The following RAB6B variants were observed in gnomAD, a reference collection of about 807,000 sequenced individuals.
The protein encoded by RAB6B is RAB6B, member RAS oncogene family.
A neutral mutation model predicts 31.2 loss-of-function variants in RAB6B; 7 were observed. That is an observed-to-expected ratio of 0.22 (90% CI 0.13 to 0.42). The LOEUF is 0.42. RAB6B is among the 10% of genes least tolerant of loss of function. The pLI is 1.00. For synonymous variants in RAB6B, 105 were observed against 104.9 expected (o/e 1.00, Z -0.01); for missense variants, 149 against 280.6 (o/e 0.53, Z 3.35).
intron 1 of RAB6B, among the ~76,000 whole-genome samples, chr3:133,879,365 ATAACTG>A (rs773961428): frequency 5.3e-5 from 8 of 152,228 alleles, no homozygotes; most frequent in Non-Finnish European, 1.0e-4. Flanking sequence ...GAACTAGAGT[ATAACTG>A]TACTTGGCAT....
At chr3:133,845,443 C>T (rs1370852343) in intron 2 of RAB6B, among the ~76,000 whole-genome samples, 1 of 152,192 alleles carries the variant, frequency 6.6e-6, no homozygotes, top group East Asian at 1.9e-4. Context: ...AAGCAGAGAG[C>T]AAGTCCTCAC....
chr3:133,847,170 T>C (rs545517141), intron 2 of RAB6B, among the ~76,000 whole-genome samples: 1 of 152,374 alleles, frequency 6.6e-6, no homozygotes, highest in East Asian at 1.9e-4. Context: ...CATTACTTAA[T>C]TTAATCTGGA....
chr3:133,831,300 C>G (rs1476124792), intron 7 of RAB6B, among the ~76,000 whole-genome samples: 1 of 152,180 alleles, frequency 6.6e-6, no homozygotes, highest in Non-Finnish European at 1.5e-5. Flanking sequence ...GAAACCAATT[C>G]TACTGATACT....
intron 2 of RAB6B, among the ~76,000 whole-genome samples, chr3:133,849,415 C>T (rs1935947850): frequency 6.6e-6 from 1 of 152,218 alleles, no homozygotes; most frequent in Admixed American, 6.5e-5. Flanking sequence ...CCTCAGATAA[C>T]TCATTTGTGC....
At position 133,857,785 on chromosome 3, in the gene RAB6B, TC is replaced by T. The variant is rs1936102961; in HGVS notation, c.129+6798del. On this transcript the variant is annotated intron_variant, in intron 2 of 7. Transcript: ENST00000285208. The stretch of plus-strand genomic sequence containing the variant: ...TTTGTATTGATGGCACTGATATTCT[TC>T]CAGCATTTCTAGACAGAAACCTGGG... 2.6e-5 allele frequency among the ~76,000 whole-genome samples: 4 copies of T among 152,214 alleles called. No homozygotes were observed. The South Asian group carries it at 8.3e-4, about 31-fold the overall frequency.
chr3:133,864,732 C>A, intron 1 of RAB6B, 90 bp from the exon 2 acceptor site: 1 of 1,308,120 alleles, frequency 7.6e-7, no homozygotes. Flanking sequence ...GATAACAAAA[C>A]CAAAAAGCAC....
chr3:133,851,444 G>A (rs1935983228), intron 2 of RAB6B, among the ~76,000 whole-genome samples: 1 of 152,202 alleles, frequency 6.6e-6, no homozygotes. Flanking sequence ...CATGTAGCTG[G>A]GGCTTTAGAA....
chr3:133,849,069 G>T (rs560289187), intron 2 of RAB6B, among the ~76,000 whole-genome samples: 1 of 152,186 alleles, frequency 6.6e-6, no homozygotes, highest in African/African-American at 2.4e-5. Context: ...AAGTTGCTTT[G>T]TATGTCTGGG....
At chr3:133,829,344 T>C (rs1935622383) in intron 7 of RAB6B, among the ~76,000 whole-genome samples, 2 of 152,140 alleles carry the variant, frequency 1.3e-5, no homozygotes, top group Admixed American at 1.3e-4. Flanking sequence ...CTGAGGATGG[T>C]TACTGTAAGA....
chr3:133,888,907 C>T (rs1157520849), intron 1 of RAB6B, among the ~76,000 whole-genome samples: 1 of 152,162 alleles, frequency 6.6e-6, no homozygotes, highest in Non-Finnish European at 1.5e-5. Context: ...GGCAGCCTGT[C>T]TTTCCACCCT....
At chr3:133,890,964 G>A (rs756435849) in intron 1 of RAB6B, among the ~76,000 whole-genome samples, 6 of 152,222 alleles carry the variant, frequency 3.9e-5, no homozygotes, top group Non-Finnish European at 7.3e-5. Flanking sequence ...GGCCAGGTGG[G>A]CTGGTAGCCC....
intron 2 of RAB6B, among the ~76,000 whole-genome samples, chr3:133,860,324 C>T (rs1936141849): frequency 6.6e-6 from 1 of 152,078 alleles, no homozygotes; most frequent in Non-Finnish European, 1.5e-5. Flanking sequence ...GAGGTGAGGA[C>T]ACAGAGAGAC....
intron 1 of RAB6B, among the ~76,000 whole-genome samples, chr3:133,893,700 A>C (rs548362859): frequency 1.3e-5 from 2 of 152,316 alleles, no homozygotes; most frequent in South Asian, 4.1e-4. Context: ...TCAGAGACAG[A>C]AAGTGAGTCA....
chr3:133,883,862 CAA>C (rs774915319), intron 1 of RAB6B, among the ~76,000 whole-genome samples: 2 of 152,218 alleles, frequency 1.3e-5, no homozygotes, highest in Non-Finnish European at 2.9e-5. Flanking sequence ...AATCCTGAGC[CAA>C]AATGGTCCTC....
At chr3:133,861,480 T>C (rs1936160696) in intron 2 of RAB6B, among the ~76,000 whole-genome samples, 1 of 152,158 alleles carries the variant, frequency 6.6e-6, no homozygotes, top group South Asian at 2.1e-4. Context: ...GAGAGGTCTG[T>C]AGAACCCAGC....
intron 6 of RAB6B, among the ~76,000 whole-genome samples, chr3:133,836,780 C>T (rs1935742936): frequency 1.3e-5 from 2 of 152,182 alleles, no homozygotes; most frequent in African/African-American, 4.8e-5. Context: ...AGGCTGGGAA[C>T]AGATGGGAGT....
At chr3:133,893,071 G>A (rs1936658056) in intron 1 of RAB6B, among the ~76,000 whole-genome samples, 1 of 152,220 alleles carries the variant, frequency 6.6e-6, no homozygotes, top group Admixed American at 6.5e-5. Context: ...CCATCTCACT[G>A]ATAGCAGTGA....
intron 6 of RAB6B, among the ~76,000 whole-genome samples, chr3:133,836,102 G>T (rs76501142): frequency 4.6e-5 from 7 of 152,082 alleles, no homozygotes; most frequent in Admixed American, 3.9e-4. Context: ...TCACCCCAGA[G>T]CCCAGCCCCA....
At chr3:133,863,933 C>T (rs1026440027) in intron 2 of RAB6B, among the ~76,000 whole-genome samples, 13 of 152,186 alleles carry the variant, frequency 8.5e-5, no homozygotes, top group African/African-American at 2.7e-4. Context: ...AGGAAAGTGA[C>T]ATGTTATTAA....
Sources: gnomAD v4.1 joint callset for allele counts (sites outside exome capture counted in the v4.1 genomes callset) on GRCh38, gnomAD v4.1.1 for gene constraint, MANE v1.5 for transcripts, NCBI Gene and HGNC (gene_info 2026-07-23, HGNC 2026-07-21) for gene names.